The following NEO1 variants were observed in gnomAD, a reference collection of about 807,000 sequenced individuals.
The protein encoded by NEO1 is neogenin 1, also known as neogenin.
NEO1 carries 63 observed loss-of-function variants against 159.7 expected under a neutral mutation model. That is an observed-to-expected ratio of 0.39 (90% CI 0.32 to 0.49). The LOEUF (loss-of-function observed/expected upper bound fraction) is 0.49. NEO1 is among the 20% of genes least tolerant of loss of function. The pLI, the probability that NEO1 is intolerant of heterozygous loss-of-function variation, is 0.85. For missense variants in NEO1, 1,615 were observed against 1,831.0 expected (o/e 0.88, Z 2.15); for synonymous variants, 633 against 662.0 (o/e 0.96, Z 0.67).
intron 7 of NEO1, among the ~76,000 whole-genome samples, chr15:73,220,947 A>C (rs182451322): frequency 2.4e-4 from 37 of 152,302 alleles, no homozygotes; most frequent in Admixed American, 2.2e-3. Context: ...TTCTCTATCC[A>C]GCTTTGTTCC....
At chr15:73,060,812 A>T (rs1198173803) in intron 1 of NEO1, among the ~76,000 whole-genome samples, 4 of 148,272 alleles carry the variant, frequency 2.7e-5, no homozygotes, top group Admixed American at 2.7e-4. Flanking sequence ...ATGCCCAGCT[A>T]ATTTTTTTGG....
intron 7 of NEO1, among the ~76,000 whole-genome samples, chr15:73,194,196 A>C (rs545429587): frequency 1.3e-5 from 2 of 152,166 alleles, no homozygotes; most frequent in Non-Finnish European, 2.9e-5. Flanking sequence ...TAGAGAGGAA[A>C]ATATGGAATC....
intron 23 of NEO1, among the ~76,000 whole-genome samples, chr15:73,288,010 A>G (rs574635629): frequency 1.3e-5 from 2 of 152,322 alleles, no homozygotes; most frequent in Non-Finnish European, 2.9e-5. Flanking sequence ...ATGAGATTAT[A>G]TAATGAAAAA....
At chr15:73,165,567 T>C (rs1029172174) in intron 5 of NEO1, among the ~76,000 whole-genome samples, 4 of 152,194 alleles carry the variant, frequency 2.6e-5, no homozygotes, top group Admixed American at 2.6e-4. Flanking sequence ...TATGTGGTAC[T>C]GTTACAGTCC....
intron 7 of NEO1, among the ~76,000 whole-genome samples, chr15:73,235,424 A>C (rs980892351): frequency 6.6e-6 from 1 of 152,204 alleles, no homozygotes; most frequent in African/African-American, 2.4e-5. Flanking sequence ...GTTTTTCATC[A>C]GTAGCATGGG....
chr15:73,135,078 T>C (rs1271118774), intron 4 of NEO1, among the ~76,000 whole-genome samples: 2 of 152,238 alleles, frequency 1.3e-5, no homozygotes, highest in African/African-American at 4.8e-5. Context: ...TAGAATTAAC[T>C]GCATCTCTTG....
rs201677704 is a variant in NEO1, at chr15:73,288,422, C to T, written c.3520C>T (p.Pro1174Ser). Residue 1174 changes from proline (P) to serine (S), a missense_variant, in exon 24 of 29, where the codon CCC becomes TCC. Physicochemically the swap from Pro to Ser is moderately conservative, Grantham distance 74. Coordinates refer to ENST00000261908, the MANE Select transcript of NEO1 (RefSeq NM_002499.4). ...WIHHERLELK[P>S]IDKSPDPNPI... ...CCATCATGAGAGACTGGAGCTGAAA[C>T]CCATTGATAAGTCTCCAGACCCAAA... 5 of 1,613,968 alleles carry T rather than the reference C, an allele frequency of 3.1e-6. No homozygotes were observed. In the Admixed American group the frequency reaches 6.7e-5, roughly 22 times the overall value.
intron 7 of NEO1, among the ~76,000 whole-genome samples, chr15:73,230,758 T>C (rs1184635902): frequency 6.6e-6 from 1 of 152,098 alleles, no homozygotes; most frequent in Admixed American, 6.6e-5. Flanking sequence ...GCCTGGATAA[T>C]TCTTTGTATT....
chr15:73,244,864 A>C (rs2039673783), intron 9 of NEO1, among the ~76,000 whole-genome samples: 1 of 148,304 alleles, frequency 6.7e-6, no homozygotes, highest in South Asian at 2.2e-4. Context: ...CTGAGGCAGG[A>C]GAATCACCTG....
At chr15:73,107,567 T>C (rs114936172) in intron 1 of NEO1, among the ~76,000 whole-genome samples, 301 of 152,300 alleles carry the variant, frequency 2.0e-3, no homozygotes, top group African/African-American at 6.7e-3. Context: ...CAAAGAAGTA[T>C]CAGTTAGTTG....
chr15:73,141,303 G>T (rs576314225), intron 5 of NEO1, among the ~76,000 whole-genome samples: 1 of 152,228 alleles, frequency 6.6e-6, no homozygotes, highest in Non-Finnish European at 1.5e-5. Context: ...GAGTGTTAAT[G>T]TAGAAAAGGT....
intron 7 of NEO1, among the ~76,000 whole-genome samples, chr15:73,183,415 T>C (rs570061586): frequency 2.0e-5 from 3 of 152,256 alleles, no homozygotes; most frequent in Middle Eastern, 3.4e-3. Flanking sequence ...CAGAGACTCA[T>C]TGATGCCGGG....
In NEO1 at chr15:73,259,370, A is replaced by AT. The variant is rs10623352; in HGVS notation, c.2203+509dup. ...TCTTGTTCTGAGTCTCATTTTACTA[A>AT]TTTTTTTTTTTTTTTGAAAAGGGAT... is the stretch of plus-strand genomic sequence containing the variant. On this transcript the variant is annotated intron_variant, in intron 14 of 28. Coordinates refer to ENST00000261908, the MANE Select transcript of NEO1 (RefSeq NM_002499.4). Among the ~76,000 whole-genome samples the AT allele has an allele frequency of 5.2e-4, 71 of 135,570 alleles. 3 individuals carry two copies. The highest frequency in any genetic ancestry group is 1.1e-3 in the African/African-American group (43 of 37,448). 88.9% of individuals were successfully genotyped at this position (135,570 alleles called of 152,430 possible).
chr15:73,065,575 T>C (rs1160057329), intron 1 of NEO1, among the ~76,000 whole-genome samples: 1 of 152,196 alleles, frequency 6.6e-6, no homozygotes, highest in Admixed American at 6.5e-5. Flanking sequence ...ACTGTCTTAT[T>C]TTTCTTCTTT....
At chr15:73,245,675 C>T (rs1168068280) in intron 9 of NEO1, among the ~76,000 whole-genome samples, 1 of 151,532 alleles carries the variant, frequency 6.6e-6, no homozygotes, top group Non-Finnish European at 1.5e-5. Context: ...CCTGGGTTCA[C>T]GCCATTCTCT....
chr15:73,074,224 T>A (rs1311532960), intron 1 of NEO1, among the ~76,000 whole-genome samples: 1 of 152,234 alleles, frequency 6.6e-6, no homozygotes, highest in Non-Finnish European at 1.5e-5. Context: ...AGAGTTGTTC[T>A]GCAGGGTAAT....
intron 28 of NEO1, 185 bp downstream of exon 28, chr15:73,301,642 GA>G: frequency 1.3e-6 from 1 of 744,638 alleles, no homozygotes; most frequent in South Asian, 2.0e-5. Flanking sequence ...CTGTGCTGAG[GA>G]CTTGGTGTGC....
chr15:73,257,921 G>A (rs893679796), intron 13 of NEO1, among the ~76,000 whole-genome samples: 5 of 152,154 alleles, frequency 3.3e-5, no homozygotes, highest in Non-Finnish European at 7.3e-5. Context: ...TTGGGCCCAG[G>A]CATTTTGCTC....
Position 73,258,854 on chromosome 15 carries a change from A to G in NEO1, c.2181A>G (p.Glu727=). 7.4e-6 allele frequency: 12 copies of G among 1,613,882 alleles called. No homozygotes were observed. The highest frequency in any genetic ancestry group is 1.0e-5 in the Non-Finnish European group (12 of 1,179,832). ...CGGCAACTGACTGGCTGTCTGCTGA[A>G]ACTTTTGAAAGTGACCTAGATGGTA... ...TGPATDWLSA[E]TFESDLDETR... The change falls in exon 14 of 29, where the codon GAA becomes GAG. Residue 727 remains glutamate, a synonymous_variant. Transcript: ENST00000261908.
Sources: gnomAD v4.1 joint callset for allele counts (sites outside exome capture counted in the v4.1 genomes callset) on GRCh38, gnomAD v4.1.1 for gene constraint, MANE v1.5 for transcripts, NCBI Gene and HGNC (gene_info 2026-07-23, HGNC 2026-07-21) for gene names.